The following ANGPT1 variants were observed in gnomAD, a reference collection of about 807,000 sequenced individuals.
ANGPT1 encodes the protein angiopoietin-1.
In ANGPT1, 17 loss-of-function variants were observed where a neutral mutation model predicts 62.2. The observed-to-expected ratio is 0.27, with a 90% CI of 0.19 to 0.41. ANGPT1 has a LOEUF of 0.41. Among genes scored for constraint, ANGPT1 ranks in the 10% least tolerant of loss-of-function variants. The pLI is 1.00. For synonymous variants in ANGPT1, 199 were observed against 198.9 expected (o/e 1.00, Z 0.00); for missense variants, 478 against 594.9 (o/e 0.80, Z 2.04).
chr8:107,471,257 A>T (rs947861303), intron 1 of ANGPT1, among the ~76,000 whole-genome samples: 1 of 152,166 alleles, frequency 6.6e-6, no homozygotes. Flanking sequence ...GACATGGATG[A>T]AGCTGGAAAC....
At chr8:107,347,232 A>T in intron 1 of ANGPT1, 135 bp from the exon 2 acceptor site, 2 of 816,796 alleles carry the variant, frequency 2.4e-6, no homozygotes, top group Non-Finnish European at 3.7e-6. Flanking sequence ...CATCTCTGGG[A>T]GTTGGAGAAA....
At chr8:107,408,120 T>A (rs1817187448) in intron 1 of ANGPT1, among the ~76,000 whole-genome samples, 1 of 151,874 alleles carries the variant, frequency 6.6e-6, no homozygotes, top group African/African-American at 2.4e-5. Flanking sequence ...TTAGATATAG[T>A]CAAAATCCAG....
intron 1 of ANGPT1, among the ~76,000 whole-genome samples, chr8:107,366,477 C>T (rs996013917): frequency 2.0e-5 from 3 of 152,072 alleles, no homozygotes; most frequent in South Asian, 2.1e-4. Context: ...ACCTGAAATA[C>T]GTTTGCTGTG....
intron 1 of ANGPT1, among the ~76,000 whole-genome samples, chr8:107,418,095 C>T (rs533761137): frequency 6.6e-6 from 1 of 152,186 alleles, no homozygotes; most frequent in South Asian, 2.1e-4. Context: ...CACACTTTTT[C>T]CTTTTTACAT....
intron 4 of ANGPT1, among the ~76,000 whole-genome samples, chr8:107,320,992 G>C (rs1815136987): frequency 6.6e-6 from 1 of 152,044 alleles, no homozygotes; most frequent in Admixed American, 6.6e-5. Flanking sequence ...GATGTAAGTG[G>C]TATTCTCTTT....
rs79778477 is a variant in ANGPT1 at position 107,327,252 on chromosome 8, G to C, written c.576-5124C>G. 7.9e-5 allele frequency among the ~76,000 whole-genome samples: 12 copies of C among 151,812 alleles called. No homozygotes were observed. The East Asian group carries it at 2.3e-3, about 29-fold the overall frequency. On this transcript the variant is annotated intron_variant, in intron 3 of 8. Transcript: ENST00000517746. ...TAATATACTGCTCATATTTCATTTT[G>C]TCCCTGAAGCCTTTCATTGATTCTT...
At chr8:107,399,095 G>A (rs1476617302) in intron 1 of ANGPT1, among the ~76,000 whole-genome samples, 1 of 152,088 alleles carries the variant, frequency 6.6e-6, no homozygotes, top group African/African-American at 2.4e-5. Flanking sequence ...TACTTCTATT[G>A]GTAATAGTGT....
intron 1 of ANGPT1, among the ~76,000 whole-genome samples, chr8:107,482,992 G>A (rs1343321795): frequency 6.6e-6 from 1 of 151,958 alleles, no homozygotes; most frequent in African/African-American, 2.4e-5. Context: ...CAGAAAAGGA[G>A]CTTTCCAAAT....
At chr8:107,461,958 C>T (rs911236124) in intron 1 of ANGPT1, among the ~76,000 whole-genome samples, 1 of 151,950 alleles carries the variant, frequency 6.6e-6, no homozygotes, top group Non-Finnish European at 1.5e-5. Context: ...AGTAAACAAA[C>T]CACTAGTTAA....
intron 1 of ANGPT1, among the ~76,000 whole-genome samples, chr8:107,432,166 A>G (rs1355634703): frequency 6.6e-6 from 1 of 152,090 alleles, no homozygotes; most frequent in Non-Finnish European, 1.5e-5. Context: ...CTGAACCGTA[A>G]AATCTTTTAA....
At chr8:107,459,325 A>G (rs1812003834) in intron 1 of ANGPT1, among the ~76,000 whole-genome samples, 3 of 152,100 alleles carry the variant, frequency 2.0e-5, no homozygotes, top group Admixed American at 2.0e-4. Flanking sequence ...CCAGGCGGGC[A>G]GATTACTTGA....
At chr8:107,427,320 A>G (rs1811066025) in intron 1 of ANGPT1, among the ~76,000 whole-genome samples, 1 of 152,082 alleles carries the variant, frequency 6.6e-6, no homozygotes, top group Admixed American at 6.6e-5. Context: ...AAGTGTCACT[A>G]CCCTATCAGA....
In ANGPT1 at chr8:107,459,528, C is replaced by CAAAAAA. The variant is rs1272204543; in HGVS notation, c.297+37733_297+37734insTTTTTT. 2.1e-5 allele frequency among the ~76,000 whole-genome samples: 3 copies of CAAAAAA among 140,346 alleles called. No individual in the cohort carries two copies. In the East Asian group the frequency reaches 6.5e-4, roughly 31 times the overall value. 92.1% of individuals were successfully genotyped at this position (140,346 alleles called of 152,430 possible). A position where few individuals can be genotyped will look rare whatever the true frequency, so the allele number is the denominator to read the frequency against. On this transcript the variant is annotated intron_variant, in intron 1 of 8. Coordinates refer to ENST00000517746, the MANE Select transcript of ANGPT1 (RefSeq NM_001146.5). ...ACAACAACAACAACAACAACAACAA[C>CAAAAAA]AAAACAAGTAGATTAGAATTCAACT...
At chr8:107,407,078 A>G (rs750166052) in intron 1 of ANGPT1, among the ~76,000 whole-genome samples, 23 of 152,162 alleles carry the variant, frequency 1.5e-4, no homozygotes, top group Non-Finnish European at 2.8e-4. Context: ...TGAAACAGAA[A>G]AGACATGGCC....
At chr8:107,255,582 T>C (rs950729978) in intron 8 of ANGPT1, among the ~76,000 whole-genome samples, 5 of 152,196 alleles carry the variant, frequency 3.3e-5, no homozygotes, top group Non-Finnish European at 7.3e-5. Context: ...ATCGTTCATA[T>C]GAAGGTATTT....
chr8:107,325,583 G>A (rs1039914540), intron 3 of ANGPT1, among the ~76,000 whole-genome samples: 10 of 152,032 alleles, frequency 6.6e-5, no homozygotes, highest in African/African-American at 2.2e-4. Flanking sequence ...ATTCTGGTTT[G>A]GAAAATATCA....
At chr8:107,422,267 G>A (rs191370605) in intron 1 of ANGPT1, among the ~76,000 whole-genome samples, 9 of 152,100 alleles carry the variant, frequency 5.9e-5, no homozygotes, top group Admixed American at 2.0e-4. Context: ...TAAACTTGTC[G>A]GCAACCTGGG....
chr8:107,443,755 G>A (rs1811538269), intron 1 of ANGPT1, among the ~76,000 whole-genome samples: 2 of 151,332 alleles, frequency 1.3e-5, no homozygotes, highest in Non-Finnish European at 2.9e-5. Context: ...GGAGGCAGAG[G>A]TTGTGGTGAG....
chr8:107,280,237 G>C (rs1180019512), intron 7 of ANGPT1, among the ~76,000 whole-genome samples: 2 of 149,624 alleles, frequency 1.3e-5, no homozygotes, highest in Non-Finnish European at 3.0e-5. Context: ...TTTCACTCTT[G>C]TCGCCCTGAC....
Sources: gnomAD v4.1 joint callset for allele counts (sites outside exome capture counted in the v4.1 genomes callset) on GRCh38, gnomAD v4.1.1 for gene constraint, MANE v1.5 for transcripts, NCBI Gene and HGNC (gene_info 2026-07-23, HGNC 2026-07-21) for gene names.